The following BMERB1 variants were observed in gnomAD, a reference collection of about 807,000 sequenced individuals.
BMERB1 encodes bMERB domain containing 1.
In BMERB1, 12 loss-of-function variants were observed where a neutral mutation model predicts 23.6. That is an observed-to-expected ratio of 0.51 (90% CI 0.33 to 0.82). The LOEUF (loss-of-function observed/expected upper bound fraction) is 0.82, where lower values mean the gene tolerates loss of function less well. Among genes scored for constraint, BMERB1 ranks in the 40% least tolerant of loss-of-function variants. The pLI is 0.03. For missense variants in BMERB1, 247 were observed against 255.4 expected (o/e 0.97, Z 0.22); for synonymous variants, 122 against 96.6 (o/e 1.26, Z -1.54).
At chr16:15,504,445 AT>A (rs796282260) in intron 1 of BMERB1, among the ~76,000 whole-genome samples, 4,181 of 143,564 alleles carry the variant, frequency 0.029, 67 homozygotes, top group East Asian at 0.054. Context: ...CTCTTCTTAA[AT>A]TTTTTTTTTT....
At chr16:15,477,310 G>A (rs896010952) in intron 1 of BMERB1, among the ~76,000 whole-genome samples, 13 of 152,062 alleles carry the variant, frequency 8.5e-5, no homozygotes, top group African/African-American at 2.4e-4. Flanking sequence ...TCATTATCAC[G>A]AGAACAGCAT....
At chr16:15,478,986 T>G (rs2051296520) in intron 1 of BMERB1, among the ~76,000 whole-genome samples, 1 of 152,212 alleles carries the variant, frequency 6.6e-6, no homozygotes, top group African/African-American at 2.4e-5. Flanking sequence ...ACTAGCTGCC[T>G]TTTGTCTTTT....
At chr16:15,490,161 A>T (rs1262685663) in intron 1 of BMERB1, among the ~76,000 whole-genome samples, 1 of 152,058 alleles carries the variant, frequency 6.6e-6, no homozygotes, top group East Asian at 1.9e-4. Context: ...ACCTGCACCC[A>T]GCCCTCCAGA....
Position 15,587,077 on chromosome 16 carries a change from T to G in BMERB1, c.*248T>G. On this transcript the variant is annotated 3_prime_UTR_variant, in exon 6 of 6. Coordinates refer to ENST00000300006, the MANE Select transcript of BMERB1 (RefSeq NM_033201.3). ...CCGAACCCAGGAGTCTGTCTCACTG[T>G]TTATCCAAACACCAGGAAAGGTCCT... 2.0e-6 allele frequency: 1 copy of G among 495,852 alleles called. No individual in the cohort carries two copies. The highest frequency in any genetic ancestry group is 3.1e-5 in the South Asian group (1 of 32,294). The allele number at this position is 495,852 out of a possible 1,614,324, so 30.7% of individuals were successfully genotyped here.
intron 2 of BMERB1, among the ~76,000 whole-genome samples, chr16:15,542,200 A>T (rs1567492003): frequency 6.6e-6 from 1 of 151,482 alleles, no homozygotes; most frequent in African/African-American, 2.4e-5. Context: ...AGTAGCTTGG[A>T]CTACAGGCAC....
chr16:15,475,602 G>A (rs865869747), intron 1 of BMERB1, among the ~76,000 whole-genome samples: 1 of 152,286 alleles, frequency 6.6e-6, no homozygotes, highest in Middle Eastern at 3.4e-3. Context: ...AAAATGAATG[G>A]AGTATGTCAA....
At chr16:15,494,338 G>A (rs534186259) in intron 1 of BMERB1, among the ~76,000 whole-genome samples, 4 of 152,044 alleles carry the variant, frequency 2.6e-5, no homozygotes, top group South Asian at 4.2e-4. Context: ...GAAAGCAATC[G>A]GAGCCCTTCT....
At chr16:15,480,690 T>G (rs1315376623) in intron 1 of BMERB1, among the ~76,000 whole-genome samples, 1 of 144,168 alleles carries the variant, frequency 6.9e-6, no homozygotes, top group African/African-American at 2.6e-5. Context: ...CTCGGCTCAC[T>G]GTAACCTCCG....
chr16:15,502,370 A>G (rs2051539443), intron 1 of BMERB1: 2 of 1,550,420 alleles, frequency 1.3e-6, no homozygotes, highest in Non-Finnish European at 1.7e-6. Flanking sequence ...GCGGAGTGCA[A>G]AGAAAGGTAT....
At chr16:15,452,052 G>A (rs796715405) in intron 1 of BMERB1, among the ~76,000 whole-genome samples, 16 of 151,962 alleles carry the variant, frequency 1.1e-4, no homozygotes, top group African/African-American at 3.9e-4. Context: ...AGGCTGAGGC[G>A]GGAGGATTGC....
At chr16:15,469,464 T>C (rs2051211301) in intron 1 of BMERB1, among the ~76,000 whole-genome samples, 1 of 152,210 alleles carries the variant, frequency 6.6e-6, no homozygotes, top group African/African-American at 2.4e-5. Flanking sequence ...TTTTAGCTCT[T>C]ACAGGTCCTA....
At chr16:15,441,938 A>G (rs1405592631) in intron 1 of BMERB1, among the ~76,000 whole-genome samples, 1 of 152,164 alleles carries the variant, frequency 6.6e-6, no homozygotes, top group Non-Finnish European at 1.5e-5. Flanking sequence ...TTCCTAATCA[A>G]TTTTATTTTG....
intron 1 of BMERB1, among the ~76,000 whole-genome samples, chr16:15,496,780 T>C (rs950288567): frequency 1.3e-5 from 2 of 152,118 alleles, no homozygotes; most frequent in Admixed American, 6.6e-5. Context: ...CCTCGTGATC[T>C]GCCCGCCTCG....
At chr16:15,563,798 C>T (rs1189974113) in intron 2 of BMERB1, among the ~76,000 whole-genome samples, 1 of 152,162 alleles carries the variant, frequency 6.6e-6, no homozygotes, top group East Asian at 1.9e-4. Context: ...GATCCAATCA[C>T]CTCCCCCCAG....
intron 1 of BMERB1, among the ~76,000 whole-genome samples, chr16:15,495,396 C>T (rs534057990): frequency 2.7e-5 from 4 of 150,272 alleles, no homozygotes; most frequent in Admixed American, 6.6e-5. Flanking sequence ...GACAGAGTCT[C>T]GCTCTGTCAC....
intron 1 of BMERB1, among the ~76,000 whole-genome samples, chr16:15,477,079 T>C (rs1449444513): frequency 6.6e-6 from 1 of 151,964 alleles, no homozygotes; most frequent in African/African-American, 2.4e-5. Flanking sequence ...TAGGCAACTG[T>C]ATTAGTCTGT....
At chr16:15,533,453 G>A (rs1392513022) in intron 2 of BMERB1, among the ~76,000 whole-genome samples, 1 of 150,952 alleles carries the variant, frequency 6.6e-6, no homozygotes, top group Non-Finnish European at 1.5e-5. Context: ...GGAGTGCAGT[G>A]GTTCAATCTT....
chr16:15,503,727 T>G (rs1183107527), intron 1 of BMERB1, among the ~76,000 whole-genome samples: 1 of 152,106 alleles, frequency 6.6e-6, no homozygotes, highest in African/African-American at 2.4e-5. Flanking sequence ...TTAGTCCCAT[T>G]TTACAGAAGA....
At chr16:15,442,156 C>G (rs1380150004) in intron 1 of BMERB1, among the ~76,000 whole-genome samples, 1 of 152,004 alleles carries the variant, frequency 6.6e-6, no homozygotes, top group Admixed American at 6.6e-5. Context: ...CATGGTGAAA[C>G]CCCACATCTA....
Sources: gnomAD v4.1 joint callset for allele counts (sites outside exome capture counted in the v4.1 genomes callset) on GRCh38, gnomAD v4.1.1 for gene constraint, MANE v1.5 for transcripts, NCBI Gene and HGNC (gene_info 2026-07-23, HGNC 2026-07-21) for gene names.